The following IPO9 variants were observed in gnomAD, a reference collection of about 807,000 sequenced individuals.
The protein encoded by IPO9 is importin 9.
In IPO9, 28 loss-of-function variants were observed where a neutral mutation model predicts 128.6. The observed-to-expected ratio is 0.22, with a 90% CI of 0.16 to 0.30. IPO9 has a LOEUF of 0.30. IPO9 is among the 10% of genes least tolerant of loss of function. The probability of loss-of-function intolerance (pLI) is 1.00; values close to 1 mark genes in which losing one functional copy is unlikely to be tolerated. For synonymous variants in IPO9, 455 were observed against 475.8 expected, an observed-to-expected ratio of 0.96 and a Z score of 0.57; for missense variants, 935 against 1,293.9, an observed-to-expected ratio of 0.72 and a Z score of 4.26.
At chr1:201,858,814 C>T in intron 12 of IPO9, 41 bp from the exon 13 acceptor site, 1 of 1,558,766 alleles carries the variant, frequency 6.4e-7, no homozygotes, top group Non-Finnish European at 8.8e-7. Flanking sequence ...TCTCTTTTGG[C>T]AGTTTAGTAT....
chr1:201,869,108 G>A (rs893860490), intron 16 of IPO9, among the ~76,000 whole-genome samples: 2 of 152,106 alleles, frequency 1.3e-5, no homozygotes, highest in African/African-American at 2.4e-5. Context: ...AAAATTAGCC[G>A]GGCATGGTGG....
In IPO9 at chr1:201,857,114, A is replaced by T. The variant is rs1337748406; in HGVS notation, c.1141A>T (p.Asn381Tyr). 6.2e-7 allele frequency: 1 copy of T among 1,610,768 alleles called. No individual in the cohort carries two copies. Among genetic ancestry groups the T allele is most frequent in the Non-Finnish European group, 8.5e-7 (1 of 1,176,918 alleles). The change falls in exon 11 of 24, where the codon AAC (asparagine) becomes TAC (tyrosine). Residue 381 changes from asparagine to tyrosine, a missense_variant. Physicochemically the swap from Asn to Tyr is moderately radical, Grantham distance 143. Around this residue, in one of 3 missense-constraint regions of IPO9, gnomAD observed 741 missense variants for 1,019.1 expected, o/e 0.73. Transcript: ENST00000361565. ...TTTTCAGATTAAAGTATGGACAGCC[A>T]ACCCCCAACAATTTGTAGAAGATGA... ...TEEQIKVWTA[N>Y]PQQFVEDEDD...
chr1:201,877,778 G>A lies in IPO9; in HGVS notation c.*1724G>A, dbSNP rs1680793880. The A allele has an allele frequency of 6.6e-6, 1 of 151,978 alleles. No homozygotes were observed. The highest frequency in any genetic ancestry group is 2.4e-5 in the African/African-American group (1 of 41,362). The allele number at this position is 151,978 out of a possible 1,614,324, so 9.4% of individuals were successfully genotyped here. ...GTCTCTACTAAAAATACAAAAATTA[G>A]CCAGGCATGGTGGCATGCACTTGTA... On this transcript the variant is annotated 3_prime_UTR_variant, in exon 24 of 24. Transcript: ENST00000361565.
chr1:201,863,006 C>T (rs879339847), intron 13 of IPO9, among the ~76,000 whole-genome samples: 1 of 152,120 alleles, frequency 6.6e-6, no homozygotes, highest in African/African-American at 2.4e-5. Context: ...TATGCTTTTT[C>T]TCTCAAATGA....
Position 201,854,908 on chromosome 1 carries a change from C to T in IPO9, c.896C>T (p.Thr299Ile), listed in dbSNP as rs765138186. 2.6e-5 allele frequency: 41 copies of T among 1,605,346 alleles called. No homozygotes were observed. The highest frequency in any genetic ancestry group is 3.5e-5 in the Non-Finnish European group (41 of 1,177,396). ...QILPIVWNTL[T>I]ESAAFYVRTE... Reference sequence around the variant, plus strand: ...CTGCCTATTGTTTGGAACACCCTAACCGAGAGTGCAGCTTTATATCCTTTC... The same window carrying T: ...CTGCCTATTGTTTGGAACACCCTAATCGAGAGTGCAGCTTTATATCCTTTC... Residue 299 changes from threonine (T) to isoleucine (I), a missense_variant, in exon 8 of 24, where the codon ACC becomes ATC. Around this residue, in one of 3 missense-constraint regions of IPO9, gnomAD observed 741 missense variants for 1,019.1 expected, o/e 0.73. Coordinates refer to ENST00000361565, the MANE Select transcript of IPO9 (RefSeq NM_018085.5).
At chr1:201,842,044 T>G (rs1680044804) in intron 1 of IPO9, among the ~76,000 whole-genome samples, 1 of 152,218 alleles carries the variant, frequency 6.6e-6, no homozygotes, top group East Asian at 1.9e-4. Context: ...CCAACCTGTC[T>G]ACCTGGAGAT....
chr1:201,846,418 G>A (rs1680124887), intron 1 of IPO9, among the ~76,000 whole-genome samples: 1 of 152,238 alleles, frequency 6.6e-6, no homozygotes. Flanking sequence ...TGTAGCCCAG[G>A]CTGAAATGCA....
rs772874498 is a variant in IPO9, at chr1:201,880,168, C to T, written c.*4114C>T. ...TTTGAGACCAGTCTGGGCAATGTGG[C>T]AATACCTTGTCTCTTAAAATTTAAA... On this transcript the variant is annotated 3_prime_UTR_variant, in exon 24 of 24. Coordinates refer to ENST00000361565, the MANE Select transcript of IPO9 (RefSeq NM_018085.5). The T allele has an allele frequency of 1.3e-5, 2 of 152,084 alleles. No individual in the cohort carries two copies. Among genetic ancestry groups the T allele is most frequent in the African/African-American group, 2.4e-5 (1 of 41,388 alleles). The allele number at this position is 152,084 out of a possible 1,614,324, so 9.4% of individuals were successfully genotyped here. A position where few individuals can be genotyped will look rare whatever the true frequency, so the allele number is the denominator to read the frequency against.
At chr1:201,841,015 T>C (rs945723161) in intron 1 of IPO9, among the ~76,000 whole-genome samples, 1 of 152,156 alleles carries the variant, frequency 6.6e-6, no homozygotes, top group Admixed American at 6.5e-5. Context: ...TAGCTTTGAC[T>C]CTGAGAATCA....
At chr1:201,863,661 T>A (rs748392253) in intron 14 of IPO9, 54 bp downstream of exon 14, 5 of 1,457,302 alleles carry the variant, frequency 3.4e-6, no homozygotes, top group African/African-American at 1.4e-5. Context: ...AGGTTAGATA[T>A]AACAAATCAC....
intron 15 of IPO9, among the ~76,000 whole-genome samples, chr1:201,867,689 GT>G (rs940851190): frequency 8.7e-5 from 13 of 148,956 alleles, no homozygotes; most frequent in South Asian, 2.1e-4. Context: ...TGCATTTTAA[GT>G]TTTTTTTTTC....
chr1:201,874,785 A>C (rs1180547115), intron 21 of IPO9, 47 bp from the exon 22 acceptor site: 3 of 1,332,368 alleles, frequency 2.3e-6, no homozygotes, highest in Non-Finnish European at 3.2e-6. Flanking sequence ...GGGGAGGGAA[A>C]ATGCATGAAT....
In IPO9 at chr1:201,868,837, T is replaced by C. The variant is rs1178732986; in HGVS notation, c.2004+41T>C. ...TGTGTGTGTGTGTGTGTGAGAGAGA[T>C]CTACAAGTGCCACCCACAGATGCAT... is the stretch of plus-strand genomic sequence containing the variant. On this transcript the variant is annotated intron_variant, in intron 16 of 23. Coordinates refer to ENST00000361565, the MANE Select transcript of IPO9 (RefSeq NM_018085.5). The C allele has an allele frequency of 1.9e-6, 3 of 1,544,312 alleles. No individual in the cohort carries two copies. In the East Asian group the frequency reaches 7.0e-5, roughly 36 times the overall value.
At position 201,873,655 on chromosome 1, in the gene IPO9, G is replaced by A. The variant is rs575969940; in HGVS notation, c.2711-595G>A. Among the ~76,000 whole-genome samples the A allele has an allele frequency of 1.2e-4, 18 of 152,200 alleles. No individual in the cohort carries two copies. In the South Asian group the frequency reaches 3.7e-3, roughly 32 times the overall value. ...CCAGCTACTCGGGAGGCTGAGGCAG[G>A]AGAATCGCTTGAACCCGGGAGGTGG... On this transcript the variant is annotated intron_variant, in intron 20 of 23. Transcript: ENST00000361565.
Position 201,829,225 on chromosome 1 carries a change from G to A in IPO9, c.16G>A (p.Ala6Thr), listed in dbSNP as rs1230310268. 29 of 1,561,826 alleles carry A rather than the reference G, an allele frequency of 1.9e-5. No individual in the cohort carries two copies. The highest frequency in any genetic ancestry group is 2.5e-5 in the Non-Finnish European group (29 of 1,158,762). Residue 6 changes from alanine (A) to threonine (T), a missense_variant, in exon 1 of 24, where the codon GCA (alanine) becomes ACA (threonine). Around this residue, in one of 3 missense-constraint regions of IPO9, gnomAD observed 741 missense variants for 1,019.1 expected, o/e 0.73. Coordinates refer to ENST00000361565, the MANE Select transcript of IPO9 (RefSeq NM_018085.5). ...GGGAGAAAAGATGGCGGCGGCGGCG[G>A]CAGCTGGTGCGGCCTCCGGGCTGCC... MAAAA[A>T]AGAASGLPGP...
chr1:201,866,919 C>A lies in IPO9; in HGVS notation c.1815C>A (p.Ile605=). The A allele has an allele frequency of 6.2e-7, 1 of 1,614,204 alleles. No individual in the cohort carries two copies. Among genetic ancestry groups the A allele is most frequent in the Non-Finnish European group, 8.5e-7 (1 of 1,180,042 alleles). Residue 605 remains isoleucine (I), a synonymous_variant, in exon 15 of 24, where the codon ATC becomes ATA. Transcript: ENST00000361565. ...TCACAGCAAGCATGGAAAGCAAAAT[C>A]TGCCCCTTCACCATCGCCATTTTCC... ...PEFTASMESK[I]CPFTIAIFLK...
intron 20 of IPO9, among the ~76,000 whole-genome samples, chr1:201,873,444 CAAAAAAAAAAA>C (rs571580169): frequency 1.7e-5 from 1 of 58,230 alleles, no homozygotes; most frequent in African/African-American, 7.6e-5. Flanking sequence ...GACTCCGTCT[CAAAAAAAAAAA>C]AAAAAAAAAA....
chr1:201,847,700 A>G, intron 3 of IPO9, 62 bp downstream of exon 3: 1 of 1,147,776 alleles, frequency 8.7e-7, no homozygotes, highest in Non-Finnish European at 1.3e-6. Flanking sequence ...AAGAGATTAG[A>G]CTATAACATT....
rs556710449 is a variant in IPO9, at chr1:201,883,177, C to CG, written c.*7123_*7124insG. ...TAATTTGCTTTCACTAGATTCCCCC[C>CG]CCCCCAACAACTTAGTCCAAGAACA... On this transcript the variant is annotated 3_prime_UTR_variant, in exon 24 of 24. Coordinates refer to ENST00000361565, the MANE Select transcript of IPO9 (RefSeq NM_018085.5). 2.0e-5 allele frequency: 3 copies of CG among 148,106 alleles called. No homozygotes were observed. The highest frequency in any genetic ancestry group is 3.0e-5 in the Non-Finnish European group (2 of 66,664). The allele number at this position is 148,106 out of a possible 1,614,324, so 9.2% of individuals were successfully genotyped here. A position where few individuals can be genotyped will look rare whatever the true frequency, so the allele number is the denominator to read the frequency against.
Sources: gnomAD v4.1 joint callset for allele counts (sites outside exome capture counted in the v4.1 genomes callset) on GRCh38, gnomAD v4.1.1 for gene constraint, gnomAD v4.1.1 regional missense constraint, MANE v1.5 for transcripts, NCBI Gene and HGNC (gene_info 2026-07-23, HGNC 2026-07-21) for gene names.